Variants in ZNF589 observed in about 807,000 individuals in gnomAD.
ZNF589 encodes the protein KRAB-zinc finger protein SZF1-1.
Under a neutral mutation model 13.6 loss-of-function variants are expected in ZNF589, and 17 were observed. The observed-to-expected ratio is 1.25, with a 90% CI of 0.86 to 1.88. The LOEUF (loss-of-function observed/expected upper bound fraction) is 1.88, where lower values mean the gene tolerates loss of function less well. Ranked by LOEUF, ZNF589 falls within the 40% of genes most tolerant of loss-of-function variation. ZNF589 has a pLI of 0.00. For missense variants in ZNF589, 407 were observed against 434.0 expected (o/e 0.94, Z 0.55); for synonymous variants, 148 against 161.6 (o/e 0.92, Z 0.64).
intron 2 of ZNF589, among the ~76,000 whole-genome samples, chr3:48,252,341 G>A (rs1321392195): frequency 1.3e-5 from 2 of 151,662 alleles, no homozygotes; most frequent in Non-Finnish European, 2.9e-5. Context: ...ACAGGCACAG[G>A]CTGCCATGCA....
In ZNF589 at chr3:48,268,602, A is replaced by G. The variant is rs768410268; in HGVS notation, c.911A>G (p.Tyr304Cys). 1.2e-6 allele frequency: 2 copies of G among 1,613,718 alleles called. No individual in the cohort carries two copies. Among genetic ancestry groups the G allele is most frequent in the Non-Finnish European group, 8.5e-7 (1 of 1,179,964 alleles). The stretch of plus-strand genomic sequence containing the variant: ...AGTACACACTCCGGGGAGAAACCTT[A>G]TGTGTGCAGCCATTGTGGGCGAGGC... ...HLSTHSGEKP[Y>C]VCSHCGRGFS... is the part of the protein sequence containing the mutation. Residue 304 changes from tyrosine to cysteine, a missense_variant, in exon 4 of 4, where the codon TAT becomes TGT. Coordinates refer to ENST00000354698, the MANE Select transcript of ZNF589 (RefSeq NM_016089.3).
At chr3:48,257,184 T>C (rs1470143787) in intron 2 of ZNF589, among the ~76,000 whole-genome samples, 1 of 152,164 alleles carries the variant, frequency 6.6e-6, no homozygotes, top group African/African-American at 2.4e-5. Context: ...GGTTAGGAAA[T>C]GTTCCCTCTG....
intron 3 of ZNF589, 126 bp downstream of exon 3, chr3:48,261,065 CG>C: frequency 9.3e-7 from 1 of 1,072,300 alleles, no homozygotes; most frequent in Non-Finnish European, 1.3e-6. Context: ...TTTCTTCTCT[CG>C]TGGAGCTTAT....
intron 1 of ZNF589, among the ~76,000 whole-genome samples, chr3:48,245,845 G>T (rs1455435962): frequency 6.6e-6 from 1 of 151,804 alleles, no homozygotes; most frequent in Non-Finnish European, 1.5e-5. Context: ...TACTTGGGAG[G>T]CTGATGCAGG....
chr3:48,263,272 G>A (rs2033985261), intron 3 of ZNF589, among the ~76,000 whole-genome samples: 2 of 152,026 alleles, frequency 1.3e-5, no homozygotes, highest in African/African-American at 4.8e-5. Flanking sequence ...ACCACGCCCA[G>A]CAAATTTTTT....
At chr3:48,254,122 G>C (rs1486237682) in intron 2 of ZNF589, among the ~76,000 whole-genome samples, 1 of 151,760 alleles carries the variant, frequency 6.6e-6, no homozygotes, top group East Asian at 1.9e-4. Flanking sequence ...TGGGCGTGGT[G>C]GCTCATGCCT....
intron 3 of ZNF589, among the ~76,000 whole-genome samples, chr3:48,263,715 C>T (rs1188487043): frequency 1.3e-5 from 2 of 152,072 alleles, no homozygotes; most frequent in Admixed American, 6.5e-5. Context: ...GCTGAAATTG[C>T]GCCACTGCAC....
At chr3:48,265,271 CTTTTTTTT>C (rs35060812) in intron 3 of ZNF589, among the ~76,000 whole-genome samples, 29 of 47,878 alleles carry the variant, frequency 6.1e-4, no homozygotes, top group African/African-American at 2.1e-3. Context: ...TGTGCCCGGC[CTTTTTTTT>C]TTTTTTTTTT....
intron 2 of ZNF589, among the ~76,000 whole-genome samples, chr3:48,251,930 G>A (rs2033842664): frequency 6.6e-6 from 1 of 151,586 alleles, no homozygotes; most frequent in Non-Finnish European, 1.5e-5. Flanking sequence ...TCCCAGCTAT[G>A]TGGGAGGCTG....
At chr3:48,265,448 G>C (rs964351695) in intron 3 of ZNF589, among the ~76,000 whole-genome samples, 1 of 151,168 alleles carries the variant, frequency 6.6e-6, no homozygotes, top group African/African-American at 2.4e-5. Flanking sequence ...CACCATGACC[G>C]ATTAATTTTT....
At chr3:48,265,261 T>G (rs2034007638) in intron 3 of ZNF589, among the ~76,000 whole-genome samples, 1 of 139,922 alleles carries the variant, frequency 7.1e-6, no homozygotes, top group Non-Finnish European at 1.5e-5. Flanking sequence ...CATGAGCCAC[T>G]GTGCCCGGCC....
intron 2 of ZNF589, among the ~76,000 whole-genome samples, chr3:48,253,798 G>A (rs1413414170): frequency 3.9e-5 from 6 of 152,098 alleles, no homozygotes; most frequent in Admixed American, 2.6e-4. Context: ...CACCGTGCCC[G>A]GCGCTAGTCA....
intron 1 of ZNF589, among the ~76,000 whole-genome samples, chr3:48,246,314 A>G (rs896748349): frequency 7.9e-5 from 12 of 152,184 alleles, no homozygotes; most frequent in African/African-American, 2.2e-4. Flanking sequence ...CAATCAATCA[A>G]TCAATCAATC....
In ZNF589 at chr3:48,260,924, A is replaced by G. The variant is rs1208381616; in HGVS notation, c.208A>G (p.Asn70Asp). ...AGAAGTGATGCTGGAAAATCTCAGG[A>G]ATCTGGTCTCATTGGGTAAGGACAT... ...YKEVMLENLR[N>D]LVSLAESKPE... The change falls in exon 3 of 4, where the codon AAT becomes GAT. Residue 70 changes from asparagine to aspartate, a missense_variant. Transcript: ENST00000354698. 6.2e-7 allele frequency: 1 copy of G among 1,614,152 alleles called. No homozygotes were observed. Among genetic ancestry groups the G allele is most frequent in the East Asian group, 2.2e-5 (1 of 44,890 alleles).
intron 1 of ZNF589, among the ~76,000 whole-genome samples, chr3:48,246,029 TA>T (rs1310024192): frequency 6.6e-6 from 1 of 150,888 alleles, no homozygotes; most frequent in Non-Finnish European, 1.5e-5. Flanking sequence ...AATTCCACAA[TA>T]GGCCAGGCGT....
At chr3:48,243,672 T>C (rs2033728028) in intron 1 of ZNF589, among the ~76,000 whole-genome samples, 1 of 151,758 alleles carries the variant, frequency 6.6e-6, no homozygotes, top group South Asian at 2.1e-4. Flanking sequence ...ATAGCTGGGC[T>C]TGGTGGTGCG....
chr3:48,245,712 C>T (rs561820467), intron 1 of ZNF589, among the ~76,000 whole-genome samples: 18 of 152,264 alleles, frequency 1.2e-4, no homozygotes, highest in African/African-American at 3.1e-4. Context: ...TTTGGGAGGC[C>T]GAGGCAGGCA....
At position 48,268,318 on chromosome 3, in the gene ZNF589, C is replaced by T. The variant is rs2034044230; in HGVS notation, c.627C>T (p.Thr209=). Reference sequence around the variant, plus strand: ...ACAGAATTTCCAAGAGGGCAGAAACCCCAGGGTTTGGAGCAGTCACGTTTG... The same window carrying T: ...ACAGAATTTCCAAGAGGGCAGAAACTCCAGGGTTTGGAGCAGTCACGTTTG... ...EVDRISKRAE[T]PGFGAVTFGE... is the part of the protein sequence containing the mutation. The change falls in exon 4 of 4, where the codon ACC becomes ACT. Residue 209 remains threonine (T), a synonymous_variant. Coordinates refer to ENST00000354698, the MANE Select transcript of ZNF589 (RefSeq NM_016089.3). 1 of 1,613,888 alleles carries T rather than the reference C, an allele frequency of 6.2e-7. No homozygotes were observed. The highest frequency in any genetic ancestry group is 2.2e-5 in the East Asian group (1 of 44,894).
At chr3:48,265,368 C>T (rs2034009537) in intron 3 of ZNF589, among the ~76,000 whole-genome samples, 1 of 144,904 alleles carries the variant, frequency 6.9e-6, no homozygotes, top group Admixed American at 7.1e-5. Context: ...TCACTGCAAC[C>T]TCCACCTCCT....
Sources: gnomAD v4.1 joint callset for allele counts (sites outside exome capture counted in the v4.1 genomes callset) on GRCh38, gnomAD v4.1.1 for gene constraint, MANE v1.5 for transcripts, NCBI Gene and HGNC (gene_info 2026-07-23, HGNC 2026-07-21) for gene names.